The following DNAH3 variants were observed in gnomAD, a reference collection of about 807,000 sequenced individuals.
DNAH3 encodes dynein axonemal heavy chain 3, also known as axonemal beta dynein heavy chain 3.
DNAH3 carries 332 observed loss-of-function variants against 432.5 expected under a neutral mutation model. The ratio of observed to expected loss-of-function variants is 0.77; its 90% CI spans 0.70 to 0.84. DNAH3 has a LOEUF of 0.84. Ranked by LOEUF, DNAH3 falls within the 40% of genes least tolerant of loss-of-function variation. DNAH3 has a pLI of 0.00. For synonymous variants in DNAH3, 1,956 were observed against 1,900.2 expected, an observed-to-expected ratio of 1.03 and a Z score of -0.76; for missense variants, 4,861 against 5,114.0, an observed-to-expected ratio of 0.95 and a Z score of 1.51.
intron 5 of DNAH3, 109 bp downstream of exon 6, chr16:21,140,427 T>C: frequency 8.0e-7 from 1 of 1,244,196 alleles, no homozygotes; most frequent in Non-Finnish European, 1.1e-6. Context: ...ACTTTGGTGT[T>C]TTTCAAACAT....
At chr16:21,098,478 C>G in intron 17 of DNAH3, 138 bp downstream of exon 17, 1 of 712,786 alleles carries the variant, frequency 1.4e-6, no homozygotes, top group Non-Finnish European at 2.1e-6. Flanking sequence ...AAAGAAAGTA[C>G]CAATGAAAGA....
exon 27 of DNAH3, chr16:21,058,138 G>A (rs996152028): frequency 1.2e-5 from 19 of 1,613,936 alleles, no homozygotes; most frequent in Non-Finnish European, 1.5e-5. Context: ...CCAAAAGATG[G>A]AGGAGACACA....
chr16:21,156,707 A>T (rs1000877952), intron 1 of DNAH3, among the ~76,000 whole-genome samples: 1 of 152,104 alleles, frequency 6.6e-6, no homozygotes, highest in African/African-American at 2.4e-5. Context: ...GGATTTTTTT[A>T]ACCCAACCAC....
intron 20 of DNAH3, 116 bp downstream of exon 20, chr16:21,081,520 C>A (rs2091184684): frequency 5.2e-6 from 4 of 764,434 alleles, no homozygotes; most frequent in South Asian, 3.9e-5. Context: ...CCTTAAGCCA[C>A]CCTACGCCAC....
rs200457372 is a variant in DNAH3 at position 20,946,772 on chromosome 16, C to A, written c.11343+1711G>T. 4.6e-5 allele frequency among the ~76,000 whole-genome samples: 7 copies of A among 151,548 alleles called. No homozygotes were observed. In the East Asian group the frequency reaches 5.8e-4, roughly 13 times the overall value. Reference sequence around the variant, plus strand: ...CCTTCTCTTTCCCTCCTTTTACCTGCCCCCAAGCAAGACTCAAATCTTCCC... The same window carrying A: ...CCTTCTCTTTCCCTCCTTTTACCTGACCCCAAGCAAGACTCAAATCTTCCC... On this transcript the variant is annotated intron_variant, in intron 57 of 61. Transcript: ENST00000261383.
At chr16:21,130,616 A>AT (rs996591760) in intron 7 of DNAH3, among the ~76,000 whole-genome samples, 4 of 151,980 alleles carry the variant, frequency 2.6e-5, no homozygotes, top group African/African-American at 9.7e-5. Flanking sequence ...CTCATTGCTG[A>AT]TTTTTTTGGT....
chr16:20,940,606 C>CT, intron 59 of DNAH3, among the ~76,000 whole-genome samples: 1 of 115,348 alleles, frequency 8.7e-6, no homozygotes, highest in South Asian at 2.9e-4. Flanking sequence ...TTTTTTTTTT[C>CT]TTTTTTGGAG....
rs138051514 is a variant in DNAH3, at chr16:20,982,848, G to A, written c.7732C>T (p.Arg2578Trp). Residue 2578 changes from arginine (R) to tryptophan (W), a missense_variant, in exon 49 of 62, where the codon CGG becomes TGG. Physicochemically the swap from Arg to Trp is moderately radical, Grantham distance 101. Transcript: ENST00000261383. ...CAATTGATCAGCGAAGGGAACATCC[G>A]CAGGCGGTTCCTGAAGGCATCCCCT... 6.1e-5 allele frequency: 99 copies of A among 1,614,124 alleles called. No homozygotes were observed. The highest frequency in any genetic ancestry group is 6.1e-4 in the African/African-American group (46 of 75,038).
chr16:21,136,672 G>T, intron 5 of DNAH3, 159 bp from the exon 7 acceptor site: 1 of 682,358 alleles, frequency 1.5e-6, no homozygotes, highest in South Asian at 1.8e-5. Flanking sequence ...TCACACTCAT[G>T]GCAAGAAGAT....
intron 1 of DNAH3, among the ~76,000 whole-genome samples, chr16:21,152,639 G>A (rs939339257): frequency 1.3e-5 from 2 of 152,350 alleles, no homozygotes; most frequent in Admixed American, 6.5e-5. Context: ...CGGCGCTTGC[G>A]GGCCAGCTGG....
rs2091898286 is a variant in DNAH3 at position 21,104,178 on chromosome 16, G to A, written c.2366+293C>T. The stretch of plus-strand genomic sequence containing the variant: ...ACAATTTCACTATTATTATTGGGGA[G>A]GCCGTTATAACATGCCACTAGTTTT... On this transcript the variant is annotated intron_variant, in intron 16 of 61. Coordinates refer to ENST00000261383, the Ensembl canonical transcript of DNAH3. The A allele has an allele frequency of 1.4e-5, 4 of 277,134 alleles. 1 individual carries two copies. The South Asian group carries it at 2.3e-4, about 16-fold the overall frequency. 17.2% of individuals were successfully genotyped at this position (277,134 alleles called of 1,614,324 possible).
At chr16:21,007,212 CTTTT>C (rs1269851987) in intron 41 of DNAH3, among the ~76,000 whole-genome samples, 1 of 140,624 alleles carries the variant, frequency 7.1e-6, no homozygotes, top group Non-Finnish European at 1.6e-5. Flanking sequence ...TTTGTATATC[CTTTT>C]TTTTTTTTTT....
At chr16:21,084,360 T>C (rs1045225830) in intron 19 of DNAH3, among the ~76,000 whole-genome samples, 2 of 152,162 alleles carry the variant, frequency 1.3e-5, no homozygotes, top group African/African-American at 4.8e-5. Flanking sequence ...TCTTTCTCTG[T>C]TGCCCAGGCT....
At chr16:21,056,376 TCCTCCCTC>T (rs147593906) in intron 27 of DNAH3, among the ~76,000 whole-genome samples, 1 of 132,516 alleles carries the variant, frequency 7.5e-6, no homozygotes, top group African/African-American at 2.7e-5. Flanking sequence ...CCTTCTTTTT[TCCTCCCTC>T]CCTCCCTCCC....
intron 37 of DNAH3, among the ~76,000 whole-genome samples, chr16:21,030,293 G>T (rs2088808330): frequency 6.6e-6 from 1 of 152,140 alleles, no homozygotes; most frequent in African/African-American, 2.4e-5. Flanking sequence ...TCCACTTCCT[G>T]ACTCTTGGAA....
chr16:21,099,994 T>C (rs1366076490), intron 16 of DNAH3, among the ~76,000 whole-genome samples: 3 of 152,210 alleles, frequency 2.0e-5, no homozygotes, highest in Non-Finnish European at 2.9e-5. Flanking sequence ...TTCATAAATT[T>C]GGTTATCCTA....
At chr16:21,093,104 AT>A (rs1244727502) in intron 18 of DNAH3, among the ~76,000 whole-genome samples, 1 of 152,172 alleles carries the variant, frequency 6.6e-6, no homozygotes, top group Admixed American at 6.6e-5. Flanking sequence ...ACCTATTAAA[AT>A]GGTCAAAACT....
At chr16:20,969,701 C>A in intron 52 of DNAH3, 91 bp downstream of exon 52, 1 of 1,410,060 alleles carries the variant, frequency 7.1e-7, no homozygotes, top group Non-Finnish European at 1.0e-6. Context: ...TGCCTGCACG[C>A]CTGCAGTCGA....
chr16:21,075,560 A>C lies in DNAH3; in HGVS notation c.2971T>G (p.Leu991Val), dbSNP rs771044142. ...CTGGCAGCTGCACCAATGGGCTCCA[A>C]TCTAAAGAGAGAACACAGCAACAGC... Residue 991 changes from leucine (L) to valine (V), a missense_variant and splice_region_variant, in exon 21 of 62, where the codon TTG (leucine) becomes GTG (valine). Physicochemically the swap from Leu to Val is conservative, Grantham distance 32 (BLOSUM62 1). Coordinates refer to ENST00000261383, the Ensembl canonical transcript of DNAH3. 100 of 1,610,768 alleles carry C rather than the reference A, an allele frequency of 6.2e-5. 2 individuals carry two copies. In the Middle Eastern group the frequency reaches 6.6e-4, roughly 11 times the overall value.
Sources: allele counts gnomAD v4.1 joint callset (sites outside exome capture counted in the v4.1 genomes callset), GRCh38; gene constraint gnomAD v4.1.1; transcripts MANE v1.5; gene names NCBI Gene and HGNC (gene_info 2026-07-23, HGNC 2026-07-21).